Variants in PNLDC1 observed in about 807,000 individuals in gnomAD.
PNLDC1 encodes the protein PARN like ribonuclease domain containing exonuclease 1.
A neutral mutation model predicts 82.0 loss-of-function variants in PNLDC1; 70 were observed. That is an observed-to-expected ratio of 0.85 (90% CI 0.70 to 1.04). The LOEUF (loss-of-function observed/expected upper bound fraction) is 1.04, where lower values mean the gene tolerates loss of function less well. Ranked by LOEUF, PNLDC1 falls within the 50% of genes least tolerant of loss-of-function variation. PNLDC1 has a pLI of 0.00. For synonymous variants in PNLDC1, 280 were observed against 249.3 expected (o/e 1.12, Z -1.16); for missense variants, 631 against 661.1 (o/e 0.95, Z 0.50).
intron 13 of PNLDC1, 84 bp downstream of exon 13, chr6:159,816,117 C>CCCACACGCCTCCCCACCCACCCG: frequency 9.7e-7 from 1 of 1,028,542 alleles, no homozygotes; most frequent in Non-Finnish European, 1.4e-6. Context: ...CCCTGGTTCC[C>CCCACACGCCTCCCCACCCACCCG]CCACACCCCT....
At position 159,816,022 on chromosome 6, in the gene PNLDC1, G is replaced by A. The variant is rs1468260672; in HGVS notation, c.1049G>A (p.Cys350Tyr). Residue 350 changes from cysteine (C) to tyrosine (Y), a missense_variant, in exon 13 of 19, where the codon TGT (cysteine) becomes TAT (tyrosine). Coordinates refer to ENST00000392167, the MANE Select transcript of PNLDC1 (RefSeq NM_001271862.2). The part of the protein sequence containing the change: ...SGPEIVHASR[C>Y]EKYVETKCPH... ...CCAGAGATTGTTCACGCGAGCAGGT[G>A]TGAGAAATATGGTACGTTCCCATGA... The A allele has an allele frequency of 3.1e-6, 5 of 1,612,434 alleles. No homozygotes were observed. In the South Asian group the frequency reaches 3.3e-5, roughly 11 times the overall value.
chr6:159,803,885 G>A (rs1442548309), intron 4 of PNLDC1, 80 bp from the exon 5 acceptor site: 1 of 1,469,382 alleles, frequency 6.8e-7, no homozygotes, highest in Non-Finnish European at 9.2e-7. Context: ...AAAAGAAAGA[G>A]CCCACCCTGA....
Position 159,817,166 on chromosome 6 carries a change from T to C in PNLDC1, c.1157+15T>C. On this transcript the variant is annotated intron_variant, in intron 15 of 18. Coordinates refer to ENST00000392167, the MANE Select transcript of PNLDC1 (RefSeq NM_001271862.2). ...AAGATATACCAGTAAGTGTTCTTTC[T>C]TTTCATCCTACTGTTCAATCGGTGG... 2 of 1,606,928 alleles carry C rather than the reference T, an allele frequency of 1.2e-6. No individual in the cohort carries two copies. The highest frequency in any genetic ancestry group is 1.7e-6 in the Non-Finnish European group (2 of 1,173,804).
rs1781358511 is a variant in PNLDC1, at chr6:159,804,069, A to G, written c.353A>G (p.Tyr118Cys). The stretch of plus-strand genomic sequence containing the variant: ...TCCAGTGTTCAGTTTTTGAATCAGT[A>G]TGGCTTCAACTATAACAAGGTATGG... ...QASSVQFLNQYGFNYNKFLKN... is the reference protein window; with the variant it reads ...QASSVQFLNQCGFNYNKFLKN... The change falls in exon 5 of 19, where the codon TAT becomes TGT. Residue 118 changes from tyrosine (Y) to cysteine (C), a missense_variant. Transcript: ENST00000392167. 4 of 1,613,824 alleles carry G rather than the reference A, an allele frequency of 2.5e-6. No individual in the cohort carries two copies. The highest frequency in any genetic ancestry group is 3.3e-5 in the Admixed American group (2 of 59,948).
At chr6:159,810,892 C>CAT (rs1781624130) in intron 10 of PNLDC1, among the ~76,000 whole-genome samples, 1 of 152,188 alleles carries the variant, frequency 6.6e-6, no homozygotes, top group Non-Finnish European at 1.5e-5. Context: ...ATTAATAATA[C>CAT]ACATTCACCA....
chr6:159,804,971 G>A (rs1290525887), intron 6 of PNLDC1, among the ~76,000 whole-genome samples: 1 of 152,224 alleles, frequency 6.6e-6, no homozygotes, highest in Non-Finnish European at 1.5e-5. Flanking sequence ...CGTTCTGTTG[G>A]ACTTGCTGTG....
Position 159,804,102 on chromosome 6 carries a change from G to C in PNLDC1, c.372+14G>C, listed in dbSNP as rs372952040. 1.2e-5 allele frequency: 19 copies of C among 1,611,708 alleles called. No individual in the cohort carries two copies. The African/African-American group carries it at 1.3e-4, about 11-fold the overall frequency. On this transcript the variant is annotated intron_variant, in intron 5 of 18. Coordinates refer to ENST00000392167, the MANE Select transcript of PNLDC1 (RefSeq NM_001271862.2). Reference sequence around the variant, plus strand: ...AACTATAACAAGGTATGGCATTGGAGGAGGGGAACGGGAATGTCTTTTGTT... The same window carrying C: ...AACTATAACAAGGTATGGCATTGGACGAGGGGAACGGGAATGTCTTTTGTT...
At chr6:159,808,211 G>C (rs1470037375) in intron 7 of PNLDC1, among the ~76,000 whole-genome samples, 1 of 152,158 alleles carries the variant, frequency 6.6e-6, no homozygotes, top group Non-Finnish European at 1.5e-5. Context: ...ACTGCGCCCA[G>C]CCGTGAGGCT....
rs145760646 is a variant in PNLDC1, at chr6:159,818,969, C to T, written c.1281C>T (p.Pro427=). The T allele has an allele frequency of 5.6e-5, 91 of 1,613,798 alleles. No homozygotes were observed. The highest frequency in any genetic ancestry group is 3.3e-4 in the Middle Eastern group (2 of 6,084). ...AGAATTTTTCTGGTCCAGATTATCCCAGTATCCGACCTCCCATCCTCATCC... is the reference window on the plus strand; with the variant it reads ...AGAATTTTTCTGGTCCAGATTATCCTAGTATCCGACCTCCCATCCTCATCC... ...PKINFSGPDY[P]SIRPPILILS... Residue 427 remains proline (P), a synonymous_variant, in exon 17 of 19, where the codon CCC becomes CCT. Transcript: ENST00000392167.
At chr6:159,802,149 G>A (rs55996733) in intron 3 of PNLDC1, among the ~76,000 whole-genome samples, 74,615 of 152,156 alleles carry the variant, frequency 0.49, 19,156 homozygotes, top group Admixed American at 0.57. Context: ...TTCTTTTACA[G>A]CTACTCAATC....
chr6:159,808,853 ATTGTTTCTC>A, intron 8 of PNLDC1, 37 bp downstream of exon 8: 1 of 1,609,262 alleles, frequency 6.2e-7, no homozygotes, highest in Non-Finnish European at 8.5e-7. Flanking sequence ...CAGTGGCTCC[ATTGTTTCTC>A]TCTCATAATT....
At chr6:159,810,629 C>T (rs903713326) in intron 10 of PNLDC1, among the ~76,000 whole-genome samples, 5 of 152,112 alleles carry the variant, frequency 3.3e-5, no homozygotes, top group African/African-American at 7.2e-5. Context: ...TAAAGTGGGG[C>T]CTCGAGCCTT....
At chr6:159,820,046 G>C (rs1453471208) in intron 18 of PNLDC1, among the ~76,000 whole-genome samples, 1 of 152,194 alleles carries the variant, frequency 6.6e-6, no homozygotes, top group Admixed American at 6.5e-5. Flanking sequence ...CTTCAGCTGG[G>C]TCACAGCTCG....
At chr6:159,799,630 AAATT>A (rs1781161458), upstream of PNLDC1, among the ~76,000 whole-genome samples, 1 of 152,124 alleles carries the variant, frequency 6.6e-6, no homozygotes, top group South Asian at 2.1e-4. Flanking sequence ...ACAAAAGTAA[AAATT>A]AAGCTCACAT....
rs750811678 is a variant in PNLDC1 at position 159,809,046 on chromosome 6, G to C, written c.671G>C (p.Arg224Pro). 2 of 1,613,476 alleles carry C rather than the reference G, an allele frequency of 1.2e-6. No homozygotes were observed. The highest frequency in any genetic ancestry group is 3.3e-5 in the Admixed American group (2 of 59,760). Residue 224 changes from arginine (R) to proline (P), a missense_variant, in exon 9 of 19, where the codon CGT becomes CCT. Arg to Pro is a moderately radical substitution (Grantham distance 103). Transcript: ENST00000392167. ...GTGAAGAAAGTGAGTAAACAACATC[G>C]TTGGTATCTTCAGAACACCTCTTGT... Reference protein sequence around the residue: ...VVVKKVSKQHRWYLQNTSCDR... With the variant: ...VVVKKVSKQHPWYLQNTSCDR...
At chr6:159,818,785 C>A in intron 16 of PNLDC1, 131 bp downstream of exon 16, 1 of 1,204,344 alleles carries the variant, frequency 8.3e-7, no homozygotes, top group Non-Finnish European at 1.2e-6. Context: ...GTTTTTCTTT[C>A]CTCTCATGTT....
At chr6:159,811,615 C>A in intron 10 of PNLDC1, 86 bp from the exon 11 acceptor site, 2 of 991,226 alleles carry the variant, frequency 2.0e-6, no homozygotes, top group Non-Finnish European at 3.2e-6. Context: ...TAATCAGTGC[C>A]AGTGGCAAGC....
rs376611070 is a variant in PNLDC1, at chr6:159,800,863, G to T, written c.134+34G>T. On this transcript the variant is annotated intron_variant, in intron 2 of 18. Transcript: ENST00000392167. ...AAAGCTGTGTCCCCTCTGTATAAGA[G>T]CCTGGCCAGACCAGCACTGTTTCTG... The T allele has an allele frequency of 7.4e-6, 12 of 1,613,766 alleles. No individual in the cohort carries two copies. The African/African-American group carries it at 1.6e-4, about 22-fold the overall frequency.
Position 159,820,554 on chromosome 6 carries a change from C to T in PNLDC1, c.*37C>T, listed in dbSNP as rs1323795660. 1 of 1,598,130 alleles carries T rather than the reference C, an allele frequency of 6.3e-7. No individual in the cohort carries two copies. Among genetic ancestry groups the T allele is most frequent in the Non-Finnish European group, 8.6e-7 (1 of 1,165,960 alleles). On this transcript the variant is annotated 3_prime_UTR_variant, in exon 19 of 19. Coordinates refer to ENST00000392167, the MANE Select transcript of PNLDC1 (RefSeq NM_001271862.2). ...CCTCCTGCGGCCACCCTCGGGTCCC[C>T]ATGCTCTCTGGGAGGTGTGCTGGGT... is the stretch of plus-strand genomic sequence containing the variant.
Sources: gnomAD v4.1 joint callset for allele counts (sites outside exome capture counted in the v4.1 genomes callset) on GRCh38, gnomAD v4.1.1 for gene constraint, MANE v1.5 for transcripts, NCBI Gene and HGNC (gene_info 2026-07-23, HGNC 2026-07-21) for gene names.